The following SLC4A4 variants were observed in gnomAD, a reference collection of about 807,000 sequenced individuals.
SLC4A4 encodes solute carrier family 4 member 4.
SLC4A4 carries 27 observed loss-of-function variants against 111.5 expected under a neutral mutation model. The observed-to-expected ratio is 0.24, with a 90% confidence interval of 0.18 to 0.33. The LOEUF is 0.33. Ranked by LOEUF, SLC4A4 falls within the 10% of genes least tolerant of loss-of-function variation. SLC4A4 has a pLI of 1.00. For missense variants in SLC4A4, 909 were observed against 1,315.5 expected (o/e 0.69, Z 4.78); for synonymous variants, 443 against 463.4 (o/e 0.96, Z 0.57).
At chr4:71,550,085 C>T (rs1735853161) in intron 20 of SLC4A4, among the ~76,000 whole-genome samples, 1 of 151,768 alleles carries the variant, frequency 6.6e-6, no homozygotes, top group Non-Finnish European at 1.5e-5. Context: ...TTGAGTTACC[C>T]CAAGTAGTCA....
At chr4:71,376,074 C>CGTATATATATACATATATACGTGT (rs1560452628) in intron 6 of SLC4A4, among the ~76,000 whole-genome samples, 20 of 145,474 alleles carry the variant, frequency 1.4e-4, no homozygotes, top group Non-Finnish European at 2.7e-4. Flanking sequence ...TACATATACA[C>CGTATATATATACATATATACGTGT]GTATATATAT....
chr4:71,523,714 A>G (rs1733164971), intron 16 of SLC4A4, among the ~76,000 whole-genome samples: 1 of 152,138 alleles, frequency 6.6e-6, no homozygotes, highest in South Asian at 2.1e-4. Context: ...GGGATTGTCT[A>G]AGTTATACAT....
chr4:71,552,484 T>C (rs533246191), intron 20 of SLC4A4, among the ~76,000 whole-genome samples: 1 of 151,956 alleles, frequency 6.6e-6, no homozygotes, highest in African/African-American at 2.4e-5. Context: ...ATTTACCCTT[T>C]TCTCGTTTAC....
chr4:71,165,277 A>G (rs553231461), intron 2 of SLC4A4, among the ~76,000 whole-genome samples: 1 of 152,364 alleles, frequency 6.6e-6, no homozygotes, highest in East Asian at 1.9e-4. Context: ...AGCACTGTTT[A>G]CAATAGCAAA....
chr4:71,398,666 G>A (rs746110475), intron 7 of SLC4A4, among the ~76,000 whole-genome samples: 2 of 152,158 alleles, frequency 1.3e-5, no homozygotes, highest in Non-Finnish European at 2.9e-5. Flanking sequence ...AGGAGAAGTA[G>A]CATATATTGG....
chr4:71,304,838 T>C (rs1296219320), intron 3 of SLC4A4, among the ~76,000 whole-genome samples: 3 of 152,224 alleles, frequency 2.0e-5, no homozygotes, highest in Admixed American at 6.5e-5. Flanking sequence ...TCTATAGCTG[T>C]CTGTATTTAC....
chr4:71,541,330 T>C (rs1735034977), intron 18 of SLC4A4, among the ~76,000 whole-genome samples: 1 of 151,908 alleles, frequency 6.6e-6, no homozygotes. Flanking sequence ...GGGACGTTTG[T>C]GGTGAGAGCA....
intron 6 of SLC4A4, among the ~76,000 whole-genome samples, chr4:71,391,665 T>C (rs926125362): frequency 6.6e-6 from 1 of 152,046 alleles, no homozygotes; most frequent in Non-Finnish European, 1.5e-5. Context: ...GGCCAGAAAA[T>C]AGTGATATGG....
At chr4:71,538,100 A>AAT (rs10647291) in intron 18 of SLC4A4, among the ~76,000 whole-genome samples, 117,407 of 151,794 alleles carry the variant, frequency 0.77, 46,047 homozygotes, top group Non-Finnish European at 0.84. Flanking sequence ...GTTGTTGACT[A>AAT]ATATTTTTAT....
chr4:71,379,726 G>A lies in SLC4A4; in HGVS notation c.731-17851G>A, dbSNP rs73828121. ...AGACAAACATTCTGAACAATAAGGT[G>A]GTTCCATTTTTGTTTTTGACTATTG... is the stretch of plus-strand genomic sequence containing the variant. On this transcript the variant is annotated intron_variant, in intron 6 of 25. Coordinates refer to ENST00000264485, the MANE Select transcript of SLC4A4 (RefSeq NM_001098484.3). Among the ~76,000 whole-genome samples, 1,375 of 152,188 alleles carry A rather than the reference G, an allele frequency of 9.0e-3. 23 individuals are homozygous for A. Among genetic ancestry groups the A allele is most frequent in the African/African-American group, 0.029 (1,222 of 41,534 alleles).
At chr4:71,084,565 G>A (rs1043509490) in intron 1 of SLC4A4, among the ~76,000 whole-genome samples, 1 of 151,506 alleles carries the variant, frequency 6.6e-6, no homozygotes, top group South Asian at 2.1e-4. Flanking sequence ...TGCCCCCACT[G>A]CACAACAGGC....
At chr4:71,443,586 G>C (rs188870795) in intron 8 of SLC4A4, among the ~76,000 whole-genome samples, 24 of 152,284 alleles carry the variant, frequency 1.6e-4, no homozygotes, top group Admixed American at 1.4e-3. Context: ...TCTGAGACAA[G>C]AGTTTTAGGG....
chr4:71,341,874 A>G (rs1728927607), intron 4 of SLC4A4, among the ~76,000 whole-genome samples: 1 of 151,990 alleles, frequency 6.6e-6, no homozygotes, highest in African/African-American at 2.4e-5. Context: ...GAACTGATGG[A>G]GAATTTCTTA....
intron 2 of SLC4A4, among the ~76,000 whole-genome samples, chr4:71,179,438 T>C (rs1034698750): frequency 8.5e-5 from 13 of 152,180 alleles, no homozygotes; most frequent in Middle Eastern, 3.2e-3. Context: ...GATGACATGA[T>C]TGTATATCTA....
At chr4:71,147,325 C>T (rs1362341008) in intron 2 of SLC4A4, among the ~76,000 whole-genome samples, 1 of 151,948 alleles carries the variant, frequency 6.6e-6, no homozygotes, top group African/African-American at 2.4e-5. Context: ...TCTCTCTTCC[C>T]CTGCTCTTCC....
intron 2 of SLC4A4, among the ~76,000 whole-genome samples, chr4:71,247,299 AT>A (rs1720745819): frequency 6.7e-6 from 1 of 148,218 alleles, no homozygotes; most frequent in Admixed American, 6.8e-5. Flanking sequence ...ACCATATGTA[AT>A]ATTTTGCATA....
intron 18 of SLC4A4, among the ~76,000 whole-genome samples, chr4:71,543,450 A>G (rs186838413): frequency 6.6e-6 from 1 of 152,194 alleles, no homozygotes; most frequent in African/African-American, 2.4e-5. Context: ...GTACTTATCT[A>G]TCTGTAATTA....
chr4:71,331,664 G>A (rs1313439536), intron 3 of SLC4A4, among the ~76,000 whole-genome samples: 1 of 151,450 alleles, frequency 6.6e-6, no homozygotes, highest in Non-Finnish European at 1.5e-5. Flanking sequence ...ACACCAACAT[G>A]GCACATGTAT....
At chr4:71,164,635 A>G (rs1443596613) in intron 2 of SLC4A4, among the ~76,000 whole-genome samples, 1 of 152,158 alleles carries the variant, frequency 6.6e-6, no homozygotes, top group Non-Finnish European at 1.5e-5. Flanking sequence ...TTCAGGACAT[A>G]GGCATGGGCA....
Sources: allele counts gnomAD v4.1 joint callset (sites outside exome capture counted in the v4.1 genomes callset), GRCh38; gene constraint gnomAD v4.1.1; transcripts MANE v1.5; gene names NCBI Gene and HGNC (gene_info 2026-07-23, HGNC 2026-07-21).